GNG8: variants seen among roughly 807,000 people sequenced by gnomAD.
GNG8 encodes the protein G protein subunit gamma 8.
A neutral mutation model predicts 4.6 loss-of-function variants in GNG8; 3 were observed. The ratio of observed to expected loss-of-function variants is 0.65; its 90% confidence interval spans 0.29 to 1.67. The LOEUF (loss-of-function observed/expected upper bound fraction) is 1.67. GNG8 is among the 40% of genes most tolerant of loss of function. The pLI is 0.10. For synonymous variants in GNG8, 32 were observed against 40.5 expected (o/e 0.79, Z 0.80); for missense variants, 88 against 95.2 (o/e 0.92, Z 0.32).
intron 2 of GNG8, 27 bp downstream of exon 2, chr19:46,634,572 G>T: frequency 2.1e-6 from 3 of 1,437,318 alleles, no homozygotes; most frequent in Non-Finnish European, 2.9e-6. Flanking sequence ...CAGAACCCCC[G>T]CCCTATTCCC....
At chr19:46,636,407 A>T (rs2052869581), upstream of GNG8, among the ~76,000 whole-genome samples, 1 of 151,570 alleles carries the variant, frequency 6.6e-6, no homozygotes, top group African/African-American at 2.4e-5. Context: ...TGCCTCTCTC[A>T]CACTCACTAG....
At chr19:46,635,012 A>G (rs1162454113) in intron 1 of GNG8, among the ~76,000 whole-genome samples, 1 of 151,986 alleles carries the variant, frequency 6.6e-6, no homozygotes, top group African/African-American at 2.4e-5. Context: ...ATCAGAATCC[A>G]GGTGTCCTCA....
Position 46,634,689 on chromosome 19 carries a change from G to T in GNG8, c.-7C>A. 1.2e-6 allele frequency: 2 copies of T among 1,612,452 alleles called. No homozygotes were observed. The highest frequency in any genetic ancestry group is 1.7e-6 in the Non-Finnish European group (2 of 1,179,582). Reference sequence around the variant, plus strand: ...TGGCCATGTTGTTGGACATGGTTGCGGCGGGGAAGGGGTTAAAAGACGCGC... The same window carrying T: ...TGGCCATGTTGTTGGACATGGTTGCTGCGGGGAAGGGGTTAAAAGACGCGC... On this transcript the variant is annotated 5_prime_UTR_variant, in exon 2 of 3. Transcript: ENST00000693335.
upstream of GNG8, chr19:46,638,287 C>G (rs1229013143): frequency 1.3e-5 from 2 of 152,980 alleles, no homozygotes; most frequent in Non-Finnish European, 2.9e-5. This position sits in a 1 kb window ranked among gnomAD's most constrained non-coding sequence, Gnocchi z 4.7. Flanking sequence ...GTGTCACACA[C>G]AGTCAGCGAC....
At chr19:46,639,155 AAG>A (rs2052886481), upstream of GNG8, 1 of 152,568 alleles carries the variant, frequency 6.6e-6, no homozygotes, top group African/African-American at 2.4e-5. This position sits in a 1 kb window ranked among gnomAD's most constrained non-coding sequence, Gnocchi z 5.2. Context: ...CAGAGAGACA[AAG>A]AGATGCACAG....
chr19:46,636,445 G>A (rs73560747), upstream of GNG8, among the ~76,000 whole-genome samples: 3,454 of 152,200 alleles, frequency 0.023, 121 homozygotes, highest in African/African-American at 0.068. Flanking sequence ...GGTGGGCCCC[G>A]GGCCTCGCTA....
chr19:46,637,977 T>A (rs2052879267), upstream of GNG8: 1 of 152,724 alleles, frequency 6.5e-6, no homozygotes, highest in African/African-American at 2.4e-5. Flanking sequence ...AGGCCCCCTA[T>A]GTGCCTCTCA....
chr19:46,634,578 T>C (rs2052851639), intron 2 of GNG8, 21 bp downstream of exon 2: 6 of 1,581,112 alleles, frequency 3.8e-6, no homozygotes. Flanking sequence ...CCCCGCCCTA[T>C]TCCCCACCCC....
upstream of GNG8, chr19:46,638,801 G>C (rs1343412923): frequency 6.5e-6 from 1 of 153,006 alleles, no homozygotes; most frequent in Non-Finnish European, 1.5e-5. The surrounding 1 kb of genome is among the most constrained non-coding windows in gnomAD (Gnocchi z 4.7). Flanking sequence ...CAGGGAGGAG[G>C]GCCAGGCGGG....
chr19:46,636,973 G>A (rs568096259), upstream of GNG8: 9 of 152,028 alleles, frequency 5.9e-5, no homozygotes, highest in East Asian at 1.5e-3. Flanking sequence ...TGTATTTTTC[G>A]TAGAGACAGG....
chr19:46,634,770 G>A (rs1370455038), intron 1 of GNG8, 45 bp from the exon 2 acceptor site: 8 of 1,037,456 alleles, frequency 7.7e-6, no homozygotes, highest in South Asian at 4.1e-5. Flanking sequence ...AGGTGGGGGC[G>A]AGAGGGCGGG....
At position 46,634,667 on chromosome 19, in the gene GNG8, C is replaced by T. The variant is rs779160006; in HGVS notation, c.16G>A (p.Ala6Thr). The change falls in exon 2 of 3, where the codon GCC (alanine) becomes ACC (threonine). Residue 6 changes from alanine to threonine, a missense_variant. By Grantham distance (58) the Ala-to-Thr change is moderately conservative. Coordinates refer to ENST00000693335, the MANE Select transcript of GNG8 (RefSeq NM_033258.2). MSNNM[A>T]KIAEARKTVE... ...GTCTTGCGGGCCTCGGCAATCTTGG[C>T]CATGTTGTTGGACATGGTTGCGGCG... is the stretch of plus-strand genomic sequence containing the variant. The T allele has an allele frequency of 1.2e-6, 2 of 1,612,960 alleles. No individual in the cohort carries two copies. Among genetic ancestry groups the T allele is most frequent in the Non-Finnish European group, 1.7e-6 (2 of 1,179,836 alleles).
chr19:46,638,997 A>C (rs1003104094), upstream of GNG8: 1 of 154,134 alleles, frequency 6.5e-6, no homozygotes, highest in Non-Finnish European at 1.4e-5. This position sits in a 1 kb window ranked among gnomAD's most constrained non-coding sequence, Gnocchi z 4.7. Flanking sequence ...TCAGAGAGAC[A>C]GAGACGGGGA....
At chr19:46,637,779 G>T (rs149244522), upstream of GNG8, 12 of 131,068 alleles carry the variant, frequency 9.2e-5, no homozygotes, top group African/African-American at 3.4e-4. Context: ...GGTAGAGACG[G>T]CGGGGGTGGG....
intron 1 of GNG8, among the ~76,000 whole-genome samples, 53 bp downstream of exon 1, chr19:46,636,094 G>A (rs1468188424): frequency 1.3e-5 from 2 of 152,090 alleles, no homozygotes; most frequent in South Asian, 4.1e-4. Context: ...AGAGACGGTG[G>A]CCACGGAGCA....
At chr19:46,636,392 C>T (rs901138261), upstream of GNG8, among the ~76,000 whole-genome samples, 3 of 152,176 alleles carry the variant, frequency 2.0e-5, no homozygotes, top group Admixed American at 2.0e-4. Flanking sequence ...GTGTGACTCT[C>T]TCTGTGCCTC....
chr19:46,634,296 A>T, intron 2 of GNG8, 92 bp from the exon 3 acceptor site: 1 of 1,351,022 alleles, frequency 7.4e-7, no homozygotes, highest in Non-Finnish European at 9.7e-7. Context: ...CCCTCCTCCC[A>T]CCTTGCCCCG....
chr19:46,635,143 G>A (rs1486245882), intron 1 of GNG8, among the ~76,000 whole-genome samples: 1 of 152,008 alleles, frequency 6.6e-6, no homozygotes, highest in African/African-American at 2.4e-5. Flanking sequence ...GCCTCATTAG[G>A]GCCTTGGCAG....
At chr19:46,634,512 GC>G in intron 2 of GNG8, 86 bp downstream of exon 2, 1 of 1,230,218 alleles carries the variant, frequency 8.1e-7, no homozygotes. Flanking sequence ...GGGCATCCTT[GC>G]ACTATGGCTC....
Sources: allele counts gnomAD v4.1 joint callset (sites outside exome capture counted in the v4.1 genomes callset), GRCh38; gene constraint gnomAD v4.1.1; non-coding constraint Gnocchi (gnomAD v3.1); transcripts MANE v1.5; gene names NCBI Gene and HGNC (gene_info 2026-07-23, HGNC 2026-07-21).